Variants in RIN3 observed in about 807,000 individuals in gnomAD.
The protein encoded by RIN3 is Ras and Rab interactor 3, also known as RAB5 interacting protein 3.
A neutral mutation model predicts 76.3 loss-of-function variants in RIN3; 54 were observed. The ratio of observed to expected loss-of-function variants is 0.71; its 90% CI spans 0.57 to 0.89. RIN3 has a LOEUF of 0.89. Among genes scored for constraint, RIN3 ranks in the 40% least tolerant of loss-of-function variants. The pLI is 0.00. For synonymous variants in RIN3, 576 were observed against 564.0 expected (o/e 1.02, Z -0.30); for missense variants, 1,256 against 1,322.1 (o/e 0.95, Z 0.78).
chr14:92,688,091 C>A lies in RIN3; in HGVS notation c.2797C>A (p.Gln933Lys), dbSNP rs1412085106. Residue 933 changes from glutamine (Q) to lysine (K), a missense_variant, in exon 10 of 10, where the codon CAG (glutamine) becomes AAG (lysine). Gln to Lys is a moderately conservative substitution (Grantham distance 53). Around this residue, in one of 3 missense-constraint regions of RIN3, gnomAD observed 218 missense variants for 174.5 expected, o/e 1.25. Coordinates refer to ENST00000216487, the MANE Select transcript of RIN3 (RefSeq NM_024832.5). ...LFVLVDGRCF[Q>K]LADDALPHCI... ...CGTGCTGGTGGACGGGCGCTGCTTC[C>A]AGCTGGCGGACGACGCGCTGCCGCA... is the stretch of plus-strand genomic sequence containing the variant. The A allele has an allele frequency of 1.1e-5, 17 of 1,606,970 alleles. No homozygotes were observed. The highest frequency in any genetic ancestry group is 1.4e-5 in the Non-Finnish European group (17 of 1,177,674).
At chr14:92,624,242 G>A (rs561950124) in intron 4 of RIN3, among the ~76,000 whole-genome samples, 1 of 152,328 alleles carries the variant, frequency 6.6e-6, no homozygotes, top group African/African-American at 2.4e-5. Context: ...GGTCTGGTTA[G>A]CAGGTGTAGA....
chr14:92,518,789 CTGTGTG>C (rs61124300), intron 1 of RIN3, among the ~76,000 whole-genome samples: 110 of 128,418 alleles, frequency 8.6e-4, no homozygotes, highest in Middle Eastern at 3.9e-3. Context: ...TAAGGGTGGC[CTGTGTG>C]TGTGTGTGTG....
intron 4 of RIN3, among the ~76,000 whole-genome samples, chr14:92,620,533 G>T (rs188505661): frequency 1.3e-5 from 2 of 152,182 alleles, no homozygotes; most frequent in Non-Finnish European, 1.5e-5. Context: ...AATGAATGAT[G>T]ATTTGCTAGA....
rs1897558887 is a variant in RIN3 at position 92,555,787 on chromosome 14, A to G, written c.81A>G (p.Glu27=). The G allele has an allele frequency of 6.2e-7, 1 of 1,614,192 alleles. No homozygotes were observed. The highest frequency in any genetic ancestry group is 1.3e-5 in the African/African-American group (1 of 75,048). ...TTGTTGGCAAAGGAGAGGAAGAGGA[A>G]GAGGAAGATGGCATGCGGCTTTGTC... The part of the protein sequence containing the change: ...VPVVGKGEEE[E]EEDGMRLCLP... Residue 27 remains glutamate, a synonymous_variant, in exon 2 of 10, where the codon GAA becomes GAG. Coordinates refer to ENST00000216487, the MANE Select transcript of RIN3 (RefSeq NM_024832.5).
chr14:92,573,887 T>C (rs1898135437), intron 2 of RIN3, among the ~76,000 whole-genome samples: 1 of 152,164 alleles, frequency 6.6e-6, no homozygotes, highest in Non-Finnish European at 1.5e-5. Context: ...AATGCACTAG[T>C]TCATGGATGC....
At chr14:92,612,395 C>G (rs2181379) in intron 3 of RIN3, among the ~76,000 whole-genome samples, 2 of 152,256 alleles carry the variant, frequency 1.3e-5, no homozygotes, top group African/African-American at 2.4e-5. Context: ...TAGAAAGGTG[C>G]GAGGCTGTTT....
chr14:92,635,702 A>G (rs1035891243), intron 4 of RIN3, among the ~76,000 whole-genome samples: 6 of 151,612 alleles, frequency 4.0e-5, no homozygotes, highest in African/African-American at 1.2e-4. Flanking sequence ...AAAATACAAA[A>G]ATCAGCTGGG....
intron 7 of RIN3, among the ~76,000 whole-genome samples, chr14:92,668,837 C>T (rs1888193620): frequency 6.6e-6 from 1 of 152,314 alleles, no homozygotes; most frequent in South Asian, 2.1e-4. Context: ...CTGAGTCAAC[C>T]AGAGAAGCTG....
At chr14:92,676,200 G>A (rs1351708091) in intron 7 of RIN3, among the ~76,000 whole-genome samples, 4 of 151,960 alleles carry the variant, frequency 2.6e-5, no homozygotes, top group African/African-American at 9.7e-5. Flanking sequence ...CATGGAGAGG[G>A]AGGACTAGGA....
At position 92,681,331 on chromosome 14, in the gene RIN3, C is replaced by T. The variant is rs1033601751; in HGVS notation, c.2468-3656C>T. ...AGAGGCCTCACGAAGAAGTCAGACT[C>T]CAGCACCAAGAGTGCAGCAGTAGGG... is the stretch of plus-strand genomic sequence containing the variant. On this transcript the variant is annotated intron_variant, in intron 8 of 9. Transcript: ENST00000216487. The surrounding 1 kb of genome is among the most constrained non-coding windows in gnomAD (Gnocchi z 4.7). 1.4e-5 allele frequency among the ~76,000 whole-genome samples: 1 copy of T among 69,874 alleles called. No homozygotes were observed. The highest frequency in any genetic ancestry group is 5.5e-5 in the African/African-American group (1 of 18,124). 45.8% of individuals were successfully genotyped at this position (69,874 alleles called of 152,430 possible).
At chr14:92,530,164 A>G (rs899430773) in intron 1 of RIN3, among the ~76,000 whole-genome samples, 5 of 152,126 alleles carry the variant, frequency 3.3e-5, no homozygotes, top group African/African-American at 9.7e-5. Context: ...GCACACTTCT[A>G]CCATCAGCAG....
intron 7 of RIN3, among the ~76,000 whole-genome samples, chr14:92,660,171 G>C (rs143077977): frequency 1.0e-3 from 156 of 152,360 alleles, no homozygotes; most frequent in African/African-American, 3.3e-3. Context: ...TAAACAATTA[G>C]CATTGATTTG....
In RIN3 at chr14:92,561,790, C is replaced by T. The variant is rs1409096139; in HGVS notation, c.249+5835C>T. On this transcript the variant is annotated intron_variant, in intron 2 of 9. Transcript: ENST00000216487. ...GCCTACCTCCTAGGCTCAAGTGATTCTCCTGCCTCAGCTTCCTGAGTAGCT... is the reference window on the plus strand; with the variant it reads ...GCCTACCTCCTAGGCTCAAGTGATTTTCCTGCCTCAGCTTCCTGAGTAGCT... Among the ~76,000 whole-genome samples the T allele has an allele frequency of 5.3e-5, 8 of 152,172 alleles. No individual in the cohort carries two copies. In the East Asian group the frequency reaches 1.5e-3, roughly 29 times the overall value.
At chr14:92,529,819 C>T (rs914395993) in intron 1 of RIN3, among the ~76,000 whole-genome samples, 10 of 152,142 alleles carry the variant, frequency 6.6e-5, no homozygotes, top group African/African-American at 2.2e-4. Flanking sequence ...TGTGATGTGC[C>T]TTACAGAGAA....
chr14:92,556,755 G>A (rs1046605072), intron 2 of RIN3, among the ~76,000 whole-genome samples: 1 of 152,174 alleles, frequency 6.6e-6, no homozygotes, highest in African/African-American at 2.4e-5. Flanking sequence ...TTACCAAAGT[G>A]ATACACATAT....
chr14:92,591,491 A>G (rs568206163), intron 3 of RIN3, among the ~76,000 whole-genome samples: 124 of 152,348 alleles, frequency 8.1e-4, no homozygotes, highest in Non-Finnish European at 1.2e-3. Flanking sequence ...GGAAGGTCAG[A>G]AAACACTGAG....
At chr14:92,642,274 G>A (rs750964230) in intron 5 of RIN3, among the ~76,000 whole-genome samples, 5 of 151,602 alleles carry the variant, frequency 3.3e-5, no homozygotes, top group African/African-American at 9.7e-5. Flanking sequence ...GGTTAATTTC[G>A]TATATTTTAA....
At chr14:92,550,828 C>T (rs1260871318) in intron 1 of RIN3, among the ~76,000 whole-genome samples, 1 of 152,210 alleles carries the variant, frequency 6.6e-6, no homozygotes, top group Non-Finnish European at 1.5e-5. Context: ...TCTAATACAG[C>T]AGGCAGGCTT....
At chr14:92,649,537 G>A (rs920555646) in intron 5 of RIN3, among the ~76,000 whole-genome samples, 6 of 152,064 alleles carry the variant, frequency 3.9e-5, no homozygotes, top group Non-Finnish European at 7.4e-5. Context: ...AGGGGCCTGT[G>A]TAGACATGGG....
Sources: allele counts gnomAD v4.1 joint callset (sites outside exome capture counted in the v4.1 genomes callset), GRCh38; gene constraint gnomAD v4.1.1; regional missense constraint gnomAD v4.1.1; non-coding constraint Gnocchi (gnomAD v3.1); transcripts MANE v1.5; gene names NCBI Gene and HGNC (gene_info 2026-07-23, HGNC 2026-07-21).